SLAIN2: variants seen among roughly 807,000 people sequenced by gnomAD.
SLAIN2 encodes the protein SLAIN family member 2.
Under a neutral mutation model 56.6 loss-of-function variants are expected in SLAIN2, and 31 were observed. That is an observed-to-expected ratio of 0.55 (90% CI 0.41 to 0.74). The LOEUF is 0.74. Ranked by LOEUF, SLAIN2 falls within the 30% of genes least tolerant of loss-of-function variation. The pLI, the probability that SLAIN2 is intolerant of heterozygous loss-of-function variation, is 0.00. For synonymous variants in SLAIN2, 317 were observed against 284.9 expected (o/e 1.11, Z -1.13); for missense variants, 777 against 754.2 (o/e 1.03, Z -0.35).
At chr4:48,407,312 G>A (rs1716724258) in intron 6 of SLAIN2, among the ~76,000 whole-genome samples, 1 of 151,834 alleles carries the variant, frequency 6.6e-6, no homozygotes. Context: ...TCCTTCCTGA[G>A]TTCCATCAGC....
chr4:48,356,414 G>A (rs1007080903), intron 1 of SLAIN2, among the ~76,000 whole-genome samples: 1 of 152,106 alleles, frequency 6.6e-6, no homozygotes, highest in Non-Finnish European at 1.5e-5. Context: ...GAAAAGATCT[G>A]TACTAGTAGC....
Position 48,377,995 on chromosome 4 carries a change from A to G in SLAIN2, c.638A>G (p.Asn213Ser), listed in dbSNP as rs778579664. 1.2e-6 allele frequency: 2 copies of G among 1,613,948 alleles called. No homozygotes were observed. Among genetic ancestry groups the G allele is most frequent in the Non-Finnish European group, 1.7e-6 (2 of 1,179,866 alleles). The change falls in exon 3 of 8, where the codon AAT becomes AGT. Residue 213 changes from asparagine to serine, a missense_variant. Asn to Ser is a conservative substitution (Grantham distance 46). Transcript: ENST00000264313. ...NASSPYSSGF[N>S]SPSSTPVRPP... Reference sequence around the variant, plus strand: ...AGTAGCCCATACAGCAGTGGCTTCAATTCTCCATCCTCAACCCCAGTGCGA... The same window carrying G: ...AGTAGCCCATACAGCAGTGGCTTCAGTTCTCCATCCTCAACCCCAGTGCGA...
chr4:48,414,550 ATTTT>A lies in SLAIN2; in HGVS notation c.1361-5558_1361-5555del, dbSNP rs36222817. The stretch of plus-strand genomic sequence containing the variant: ...TTTCAAGCAATGCAATTGGTGTGGT[ATTTT>A]TTTTTTTTTTTTTTTTATTATACTC... On this transcript the variant is annotated intron_variant, in intron 6 of 7. Coordinates refer to ENST00000264313, the MANE Select transcript of SLAIN2 (RefSeq NM_020846.2). Among the ~76,000 whole-genome samples the A allele has an allele frequency of 2.1e-3, 292 of 136,958 alleles. 1 individual carries two copies. Among genetic ancestry groups the A allele is most frequent in the African/African-American group, 7.3e-3 (266 of 36,398 alleles). The allele number at this position is 136,958 out of a possible 152,430, so 89.8% of individuals were successfully genotyped here. A position where few individuals can be genotyped will look rare whatever the true frequency, so the allele number is the denominator to read the frequency against.
intron 6 of SLAIN2, among the ~76,000 whole-genome samples, chr4:48,419,157 C>T (rs556295557): frequency 3.3e-5 from 5 of 151,558 alleles, no homozygotes; most frequent in Admixed American, 2.6e-4. Flanking sequence ...GGCTGGAATG[C>T]AGTACCGCGA....
chr4:48,345,500 GT>G (rs927943933), intron 1 of SLAIN2, among the ~76,000 whole-genome samples: 48 of 147,670 alleles, frequency 3.3e-4, no homozygotes, highest in African/African-American at 8.7e-4. Context: ...ATCAAATGCT[GT>G]TTTTTTTTTA....
At chr4:48,385,286 A>T (rs968050750) in intron 6 of SLAIN2, among the ~76,000 whole-genome samples, 1 of 152,210 alleles carries the variant, frequency 6.6e-6, no homozygotes, top group African/African-American at 2.4e-5. Context: ...AGTTATTTTT[A>T]TGATCTTATG....
intron 6 of SLAIN2, among the ~76,000 whole-genome samples, chr4:48,401,409 A>G (rs1056589121): frequency 6.6e-6 from 1 of 152,188 alleles, no homozygotes. Context: ...GTGGGAGTCT[A>G]AGTCTCTTTG....
Position 48,420,156 on chromosome 4 carries a change from A to G in SLAIN2, c.1392A>G (p.Ala464=), listed in dbSNP as rs369613419. Residue 464 remains alanine (A), a synonymous_variant, in exon 7 of 8, where the codon GCA becomes GCG. Transcript: ENST00000264313. ...IPSPGKFRSP[A]APSPLALRQP... ...CTCCAGGCAAATTCCGTTCCCCTGC[A>G]GCACCATCTCCTTTGGCTCTTCGGC... is the stretch of plus-strand genomic sequence containing the variant. 1.2e-6 allele frequency: 2 copies of G among 1,613,830 alleles called. No individual in the cohort carries two copies. Among genetic ancestry groups the G allele is most frequent in the African/African-American group, 2.7e-5 (2 of 74,926 alleles).
At chr4:48,393,237 T>C (rs1301145582) in intron 6 of SLAIN2, among the ~76,000 whole-genome samples, 2 of 152,044 alleles carry the variant, frequency 1.3e-5, no homozygotes, top group African/African-American at 4.8e-5. Context: ...ATACAAAAAT[T>C]AAGGCAGAGC....
chr4:48,409,712 C>T (rs1238401421), intron 6 of SLAIN2, among the ~76,000 whole-genome samples: 4 of 152,104 alleles, frequency 2.6e-5, no homozygotes, highest in East Asian at 3.9e-4. Flanking sequence ...GGTGAATCCT[C>T]GTCTCTACTA....
At chr4:48,394,602 C>T (rs1003569121) in intron 6 of SLAIN2, 20 of 1,535,792 alleles carry the variant, frequency 1.3e-5, no homozygotes, top group African/African-American at 2.7e-5. Flanking sequence ...AAATTTGCCT[C>T]GCACTTCCCT....
chr4:48,406,415 ATTTGT>A (rs1023560175), intron 6 of SLAIN2, among the ~76,000 whole-genome samples: 3 of 151,994 alleles, frequency 2.0e-5, no homozygotes, highest in African/African-American at 7.3e-5. Flanking sequence ...TATCATAATA[ATTTGT>A]TTTGTCCCAT....
At chr4:48,405,434 ATTGT>A (rs1284840501) in intron 6 of SLAIN2, among the ~76,000 whole-genome samples, 1 of 145,796 alleles carries the variant, frequency 6.9e-6, no homozygotes, top group East Asian at 2.0e-4. Flanking sequence ...TCTCTCTCTC[ATTGT>A]TTGTTTCTTA....
Position 48,341,782 on chromosome 4 carries a change from C to T in SLAIN2, c.43C>T (p.Arg15Trp). 2 of 1,529,252 alleles carry T rather than the reference C, an allele frequency of 1.3e-6. No individual in the cohort carries two copies. Among genetic ancestry groups the T allele is most frequent in the Admixed American group, 2.0e-5 (1 of 49,056 alleles). 94.7% of individuals were successfully genotyped at this position (1,529,252 alleles called of 1,614,324 possible). The change falls in exon 1 of 8, where the codon CGG becomes TGG. Residue 15 changes from arginine (R) to tryptophan (W), a missense_variant. Physicochemically the swap from Arg to Trp is moderately radical, Grantham distance 101. Coordinates refer to ENST00000264313, the MANE Select transcript of SLAIN2 (RefSeq NM_020846.2). ...NSNVNADQEV[R>W]KLQELVKKLE... ...CAACGTGAACGCGGACCAGGAGGTG[C>T]GGAAGCTGCAGGAGCTGGTGAAGAA...
rs36096623 is a variant in SLAIN2, at chr4:48,368,051, C to CTTTTTTTTTTTTTTTTTT, written c.390-1785_390-1784insTTTTTTTTTTTTTTTTTT. 8.4e-3 allele frequency among the ~76,000 whole-genome samples: 743 copies of CTTTTTTTTTTTTTTTTTT among 88,730 alleles called. 137 individuals are homozygous for CTTTTTTTTTTTTTTTTTT. The highest frequency in any genetic ancestry group is 0.011 in the African/African-American group (214 of 18,728). 58.2% of individuals were successfully genotyped at this position (88,730 alleles called of 152,430 possible). A position where few individuals can be genotyped will look rare whatever the true frequency, so the allele number is the denominator to read the frequency against. ...TTCACTGAACGTAGTGTTTTTGAGG[C>CTTTTTTTTTTTTTTTTTT]TTTTTTTTTTTTTGACAGTGTTGCT... is the stretch of plus-strand genomic sequence containing the variant. On this transcript the variant is annotated intron_variant, in intron 1 of 7. Transcript: ENST00000264313.
intron 1 of SLAIN2, among the ~76,000 whole-genome samples, chr4:48,346,346 G>T (rs1172594874): frequency 6.6e-6 from 1 of 151,884 alleles, no homozygotes; most frequent in East Asian, 1.9e-4. Flanking sequence ...CCATCATTTG[G>T]AGTGGTAGGC....
chr4:48,424,175 TA>T lies in SLAIN2; in HGVS notation c.*2102del, dbSNP rs1717240224. 6.6e-6 allele frequency: 1 copy of T among 152,196 alleles called. No homozygotes were observed. Among genetic ancestry groups the T allele is most frequent in the South Asian group, 2.1e-4 (1 of 4,832 alleles). 9.4% of individuals were successfully genotyped at this position (152,196 alleles called of 1,614,324 possible). ...TTTATTAAAATATTTCATCACTTGT[TA>T]AAACATATTTTTGATCTGAGTTTGG... On this transcript the variant is annotated 3_prime_UTR_variant, in exon 8 of 8. Coordinates refer to ENST00000264313, the MANE Select transcript of SLAIN2 (RefSeq NM_020846.2).
chr4:48,404,223 C>G (rs916006959), intron 6 of SLAIN2, among the ~76,000 whole-genome samples: 2 of 152,180 alleles, frequency 1.3e-5, no homozygotes, highest in Admixed American at 6.5e-5. Flanking sequence ...AATTGACCAT[C>G]TTGGCCCACC....
chr4:48,416,977 A>G, intron 6 of SLAIN2, among the ~76,000 whole-genome samples: 1 of 72,648 alleles, frequency 1.4e-5, no homozygotes. Context: ...TTCAAAAGCT[A>G]GCAGAAGGCA....
Sources: allele counts gnomAD v4.1 joint callset (sites outside exome capture counted in the v4.1 genomes callset), GRCh38; gene constraint gnomAD v4.1.1; transcripts MANE v1.5; gene names NCBI Gene and HGNC (gene_info 2026-07-23, HGNC 2026-07-21).